The following DOCK5 variants were observed in gnomAD, a reference collection of about 807,000 sequenced individuals.
The protein encoded by DOCK5 is dedicator of cytokinesis protein 5.
A neutral mutation model predicts 251.8 loss-of-function variants in DOCK5; 142 were observed. That is an observed-to-expected ratio of 0.56 (90% CI 0.49 to 0.65). DOCK5 has a LOEUF of 0.65. DOCK5 is among the 30% of genes least tolerant of loss of function. The pLI is 0.00. For synonymous variants in DOCK5, 842 were observed against 835.5 expected, an observed-to-expected ratio of 1.01 and a Z score of -0.13; for missense variants, 2,111 against 2,312.3, an observed-to-expected ratio of 0.91 and a Z score of 1.79.
intron 16 of DOCK5, among the ~76,000 whole-genome samples, 188 bp downstream of exon 16, chr8:25,321,240 ACT>A (rs1436028657): frequency 1.3e-5 from 2 of 152,248 alleles, no homozygotes; most frequent in East Asian, 3.9e-4. Flanking sequence ...CTGTGTTGTC[ACT>A]CTATATTAGG....
At chr8:25,215,519 A>G (rs953875584) in intron 1 of DOCK5, among the ~76,000 whole-genome samples, 3 of 152,050 alleles carry the variant, frequency 2.0e-5, no homozygotes, top group Non-Finnish European at 4.4e-5. Flanking sequence ...CCACTATGTG[A>G]CAGTTGCCAT....
rs183698747 is a variant in DOCK5, at chr8:25,380,245, G to A, written c.3937-60G>A. 9.4e-6 allele frequency: 14 copies of A among 1,494,384 alleles called. No homozygotes were observed. In the Admixed American group the frequency reaches 2.7e-4, roughly 29 times the overall value. The allele number at this position is 1,494,384 out of a possible 1,614,324, so 92.6% of individuals were successfully genotyped here. A position where few individuals can be genotyped will look rare whatever the true frequency, so the allele number is the denominator to read the frequency against. Reference sequence around the variant, plus strand: ...TCCCAGTGACTCGCCAGTGGCTTTTGCCACTGAATCAATGACTGCCTTGTT... The same window carrying A: ...TCCCAGTGACTCGCCAGTGGCTTTTACCACTGAATCAATGACTGCCTTGTT... On this transcript the variant is annotated intron_variant, in intron 38 of 51. Transcript: ENST00000276440.
intron 31 of DOCK5, among the ~76,000 whole-genome samples, chr8:25,367,792 C>T (rs1800802308): frequency 6.6e-6 from 1 of 152,144 alleles, no homozygotes; most frequent in African/African-American, 2.4e-5. Context: ...TATATTACCC[C>T]AATATCAGTC....
intron 3 of DOCK5, among the ~76,000 whole-genome samples, chr8:25,274,225 TATGCCTCCGGGCA>T (rs1163692557): frequency 6.6e-6 from 1 of 152,200 alleles, no homozygotes; most frequent in Non-Finnish European, 1.5e-5. Context: ...AGTGGGTATA[TATGCCTCCGGGCA>T]CTGGGACATC....
intron 2 of DOCK5, among the ~76,000 whole-genome samples, chr8:25,247,727 T>C (rs771109773): frequency 1.2e-4 from 18 of 152,228 alleles, no homozygotes; most frequent in Non-Finnish European, 2.1e-4. Flanking sequence ...TAGTTGAATA[T>C]AAATATAATC....
In DOCK5 at chr8:25,245,569, T is replaced by C. The variant is rs1397000800; in HGVS notation, c.127+1812T>C. Among the ~76,000 whole-genome samples, 3 of 150,486 alleles carry C rather than the reference T, an allele frequency of 2.0e-5. No homozygotes were observed. In the Admixed American group the frequency reaches 2.0e-4, roughly 10 times the overall value. On this transcript the variant is annotated intron_variant, in intron 2 of 51. Coordinates refer to ENST00000276440, the MANE Select transcript of DOCK5 (RefSeq NM_024940.8). ...TTTTTTTTTTTTTTGAGATGGAGTC[T>C]CATTCTGTCGTCCAGGCTGGAGTGC...
At chr8:25,365,298 A>G (rs1205423896) in intron 30 of DOCK5, among the ~76,000 whole-genome samples, 1 of 152,124 alleles carries the variant, frequency 6.6e-6, no homozygotes, top group Non-Finnish European at 1.5e-5. Context: ...GCTGTCATGG[A>G]GCTTACCTTC....
At chr8:25,258,980 T>C (rs1341981389) in intron 2 of DOCK5, among the ~76,000 whole-genome samples, 1 of 151,976 alleles carries the variant, frequency 6.6e-6, no homozygotes, top group Non-Finnish European at 1.5e-5. Context: ...TTAGCTGGGC[T>C]TGGTGGTGCA....
At chr8:25,283,548 C>T (rs1365653419) in intron 5 of DOCK5, among the ~76,000 whole-genome samples, 1 of 152,192 alleles carries the variant, frequency 6.6e-6, no homozygotes, top group Non-Finnish European at 1.5e-5. Context: ...CCAATGGGAG[C>T]ATGTGCTTTT....
chr8:25,187,554 A>G (rs372491766), intron 1 of DOCK5, among the ~76,000 whole-genome samples: 76 of 150,978 alleles, frequency 5.0e-4, no homozygotes, highest in African/African-American at 1.9e-3. Context: ...AGAAATCTCC[A>G]TTGCTTATTG....
At chr8:25,341,547 C>T (rs1047088711) in intron 23 of DOCK5, among the ~76,000 whole-genome samples, 192 bp from the exon 24 acceptor site, 4 of 152,170 alleles carry the variant, frequency 2.6e-5, no homozygotes, top group African/African-American at 7.2e-5. Flanking sequence ...AGCTGTACCC[C>T]CTGGCATCTT....
At chr8:25,332,227 A>G (rs766897355) in intron 18 of DOCK5, 24 bp from the exon 19 acceptor site, 6 of 1,584,702 alleles carry the variant, frequency 3.8e-6, no homozygotes, top group East Asian at 2.2e-5. Flanking sequence ...ACCTGTATCT[A>G]ATGTTTGTGG....
chr8:25,389,184 A>T lies in DOCK5; in HGVS notation c.4225A>T (p.Thr1409Ser), dbSNP rs113338348. 1.9e-6 allele frequency: 3 copies of T among 1,614,022 alleles called. No individual in the cohort carries two copies. The highest frequency in any genetic ancestry group is 1.3e-5 in the African/African-American group (1 of 75,052). The change falls in exon 41 of 52, where the codon ACC (threonine) becomes TCC (serine). Residue 1409 changes from threonine (T) to serine (S), a missense_variant. Coordinates refer to ENST00000276440, the MANE Select transcript of DOCK5 (RefSeq NM_024940.8). The stretch of plus-strand genomic sequence containing the variant: ...CCAGTTCCCCAATGCGGAGAAGATG[A>T]CCAGTACCACGCCTCCTGGGGAAGA... ...LTQFPNAEKMTSTTPPGEDIK... is the reference protein window; with the variant it reads ...LTQFPNAEKMSSTTPPGEDIK...
In DOCK5 at chr8:25,308,932, T is replaced by C; in HGVS notation, c.1192+7T>C. ...GTGAATCACAAAGGGCAAGGTACAG[T>C]CCAGTGCCAGAGCTGGGAGGGACTC... On this transcript the variant is annotated splice_region_variant and intron_variant, in intron 12 of 51. Coordinates refer to ENST00000276440, the MANE Select transcript of DOCK5 (RefSeq NM_024940.8). The C allele has an allele frequency of 6.5e-7, 1 of 1,534,856 alleles. No homozygotes were observed. The highest frequency in any genetic ancestry group is 9.0e-7 in the Non-Finnish European group (1 of 1,112,274).
Position 25,299,037 on chromosome 8 carries a change from A to C in DOCK5, c.700A>C (p.Asn234His), listed in dbSNP as rs1038831163. The C allele has an allele frequency of 6.2e-7, 1 of 1,613,812 alleles. No homozygotes were observed. The highest frequency in any genetic ancestry group is 1.3e-5 in the African/African-American group (1 of 74,888). The change falls in exon 8 of 52, where the codon AAC becomes CAC. Residue 234 changes from asparagine (N) to histidine (H), a missense_variant. By Grantham distance (68) the Asn-to-His change is moderately conservative. Transcript: ENST00000276440. ...LYVNFKNFVC[N>H]IGEDAELFMA... ...TGTGAACTTCAAGAACTTTGTCTGC[A>C]ACATCGGGGAAGATGCAGAGTTGTT...
chr8:25,254,173 CT>C (rs1391945318), intron 2 of DOCK5, among the ~76,000 whole-genome samples: 1 of 152,174 alleles, frequency 6.6e-6, no homozygotes, highest in Admixed American at 6.5e-5. Context: ...CTGGAACAAC[CT>C]GACAACCACA....
chr8:25,213,508 G>A (rs1237964646), intron 1 of DOCK5, among the ~76,000 whole-genome samples: 1 of 152,038 alleles, frequency 6.6e-6, no homozygotes, highest in Admixed American at 6.6e-5. Flanking sequence ...TGGAGACCTG[G>A]TGTTTTTTGT....
intron 3 of DOCK5, among the ~76,000 whole-genome samples, chr8:25,274,275 C>T (rs1452069483): frequency 1.3e-5 from 2 of 148,624 alleles, no homozygotes; most frequent in African/African-American, 4.9e-5. Flanking sequence ...ATCAGCCACC[C>T]CTGACATGTC....
chr8:25,411,217 A>G lies in DOCK5; in HGVS notation c.5532A>G (p.Arg1844=). ...STELAPPLPV[R]REAKAPPPPP... is the part of the protein sequence containing the mutation. Reference sequence around the variant, plus strand: ...AGCTCGCTCCCCCACTGCCTGTCCGAAGAGAAGCCAAAGCACCACCCCCTC... The same window carrying G: ...AGCTCGCTCCCCCACTGCCTGTCCGGAGAGAAGCCAAAGCACCACCCCCTC... The change falls in exon 52 of 52, where the codon CGA becomes CGG. Residue 1844 remains arginine (R), a synonymous_variant. Transcript: ENST00000276440. 2 of 1,591,596 alleles carry G rather than the reference A, an allele frequency of 1.3e-6. No individual in the cohort carries two copies. The highest frequency in any genetic ancestry group is 1.7e-6 in the Non-Finnish European group (2 of 1,170,800).
Sources: gnomAD v4.1 joint callset for allele counts (sites outside exome capture counted in the v4.1 genomes callset) on GRCh38, gnomAD v4.1.1 for gene constraint, MANE v1.5 for transcripts, NCBI Gene and HGNC (gene_info 2026-07-23, HGNC 2026-07-21) for gene names.